The following SRGAP1 variants were observed in gnomAD, a reference collection of about 807,000 sequenced individuals.
SRGAP1 encodes the protein SLIT-ROBO Rho GTPase-activating protein 1.
Under a neutral mutation model 121.9 loss-of-function variants are expected in SRGAP1, and 43 were observed. The observed-to-expected ratio is 0.35, with a 90% confidence interval of 0.28 to 0.46. The LOEUF is 0.46. Among genes scored for constraint, SRGAP1 ranks in the 20% least tolerant of loss-of-function variants. The pLI is 1.00. For synonymous variants in SRGAP1, 447 were observed against 485.4 expected, an observed-to-expected ratio of 0.92 and a Z score of 1.04; for missense variants, 1,102 against 1,350.9, an observed-to-expected ratio of 0.82 and a Z score of 2.89.
chr12:64,136,711 A>G (rs564039852), intron 21 of SRGAP1, among the ~76,000 whole-genome samples: 222 of 152,334 alleles, frequency 1.5e-3, no homozygotes, highest in Non-Finnish European at 2.5e-3. Context: ...CTCAGCAAAA[A>G]TCAAAAAGGC....
chr12:64,029,971 C>G (rs924744272), intron 4 of SRGAP1, among the ~76,000 whole-genome samples: 1 of 151,886 alleles, frequency 6.6e-6, no homozygotes, highest in African/African-American at 2.4e-5. Context: ...TTCTTAAAAT[C>G]CCATTTCCTT....
intron 1 of SRGAP1, among the ~76,000 whole-genome samples, chr12:63,884,595 T>C (rs1451262094): frequency 1.3e-5 from 2 of 152,270 alleles, no homozygotes; most frequent in East Asian, 3.9e-4. Flanking sequence ...ATTTTACTGT[T>C]AACTGTAATC....
At chr12:64,098,548 G>T (rs1207450452) in intron 15 of SRGAP1, among the ~76,000 whole-genome samples, 5 of 152,076 alleles carry the variant, frequency 3.3e-5, no homozygotes, top group South Asian at 2.1e-4. Flanking sequence ...CATGCACCTG[G>T]ATTCCCAGCT....
At chr12:63,941,468 G>A (rs2031864809) in intron 1 of SRGAP1, among the ~76,000 whole-genome samples, 1 of 152,108 alleles carries the variant, frequency 6.6e-6, no homozygotes, top group African/African-American at 2.4e-5. Flanking sequence ...CGTTTGATCT[G>A]CAGTTAATAC....
chr12:63,911,719 C>T (rs1166431329), intron 1 of SRGAP1, among the ~76,000 whole-genome samples: 1 of 152,180 alleles, frequency 6.6e-6, no homozygotes, highest in African/African-American at 2.4e-5. Flanking sequence ...TTAAGCATCA[C>T]CCCGATTACA....
chr12:63,937,980 T>C (rs1404107017), intron 1 of SRGAP1, among the ~76,000 whole-genome samples: 1 of 152,238 alleles, frequency 6.6e-6, no homozygotes, highest in Non-Finnish European at 1.5e-5. Flanking sequence ...CAGCCCTGGA[T>C]GACCAGGTCA....
chr12:63,985,389 G>A (rs2033387101), intron 2 of SRGAP1, among the ~76,000 whole-genome samples: 1 of 152,156 alleles, frequency 6.6e-6, no homozygotes, highest in South Asian at 2.1e-4. Flanking sequence ...GTGAATCAGA[G>A]GTCATGGGGA....
chr12:64,111,712 C>CT (rs768816184), intron 16 of SRGAP1, 50 bp from the exon 17 acceptor site: 5 of 1,469,898 alleles, frequency 3.4e-6, no homozygotes, highest in South Asian at 1.3e-5. Flanking sequence ...CATTTATATC[C>CT]TTTTTTTCTC....
chr12:63,850,216 T>C (rs1242825540), intron 1 of SRGAP1, among the ~76,000 whole-genome samples: 3 of 152,160 alleles, frequency 2.0e-5, no homozygotes, highest in Non-Finnish European at 4.4e-5. Context: ...GTTAGTTTCA[T>C]GAACTTCAGA....
chr12:64,054,527 C>A lies in SRGAP1; in HGVS notation c.802-8390C>A, dbSNP rs115255273. Among the ~76,000 whole-genome samples the A allele has an allele frequency of 3.7e-3, 567 of 152,190 alleles. 5 individuals are homozygous for A. Among genetic ancestry groups the A allele is most frequent in the African/African-American group, 0.012 (516 of 41,530 alleles). The stretch of plus-strand genomic sequence containing the variant: ...AAGATTTGTCCATGGAAACCTGTCC[C>A]ATTGTAGTACTGTATTCCCCATTAG... On this transcript the variant is annotated intron_variant, in intron 6 of 21. Transcript: ENST00000355086.
Position 64,065,187 on chromosome 12 carries a change from C to A in SRGAP1, c.1093C>A (p.Arg365Ser). The A allele has an allele frequency of 6.2e-7, 1 of 1,613,472 alleles. No homozygotes were observed. The highest frequency in any genetic ancestry group is 8.5e-7 in the Non-Finnish European group (1 of 1,179,842). ...LMLRYQQLQS[R>S]LATLKIENEE... The stretch of plus-strand genomic sequence containing the variant: ...GCTCAGGTACCAACAGTTGCAGTCC[C>A]GCCTTGCCACGCTCAAAATCGAGAA... Residue 365 changes from arginine (R) to serine (S), a missense_variant, in exon 8 of 22, where the codon CGC (arginine) becomes AGC (serine). Arg to Ser is a moderately radical substitution (Grantham distance 110, BLOSUM62 -1). This residue lies in a region of SRGAP1 where 747 missense variants were observed against 929.4 expected (regional missense o/e 0.80). Coordinates refer to ENST00000355086, the MANE Select transcript of SRGAP1 (RefSeq NM_020762.4).
At chr12:64,133,256 C>A (rs2036812403) in intron 21 of SRGAP1, among the ~76,000 whole-genome samples, 1 of 152,190 alleles carries the variant, frequency 6.6e-6, no homozygotes, top group Non-Finnish European at 1.5e-5. Context: ...TTCCATTTGG[C>A]CTTTCCCACC....
chr12:64,019,022 A>G (rs541605239), intron 4 of SRGAP1, among the ~76,000 whole-genome samples: 1 of 152,268 alleles, frequency 6.6e-6, no homozygotes, highest in African/African-American at 2.4e-5. Flanking sequence ...AGAAATAGAA[A>G]TCAGTCCCTA....
At chr12:63,947,712 A>G (rs1027974288) in intron 1 of SRGAP1, among the ~76,000 whole-genome samples, 12 of 152,180 alleles carry the variant, frequency 7.9e-5, no homozygotes. Flanking sequence ...ATCAGGTAGT[A>G]TATAAATCCT....
At chr12:64,075,805 T>A (rs7305411) in intron 8 of SRGAP1, among the ~76,000 whole-genome samples, 289 of 152,298 alleles carry the variant, frequency 1.9e-3, no homozygotes, top group African/African-American at 6.6e-3. Context: ...GGAATGATTA[T>A]TGTCTATTAA....
chr12:63,894,483 T>G (rs1292558162), intron 1 of SRGAP1, among the ~76,000 whole-genome samples: 1 of 152,024 alleles, frequency 6.6e-6, no homozygotes, highest in South Asian at 2.1e-4. Context: ...TTTTTTTTTT[T>G]TAATTATACT....
At chr12:64,041,313 G>A (rs2035015232) in intron 4 of SRGAP1, among the ~76,000 whole-genome samples, 2 of 151,722 alleles carry the variant, frequency 1.3e-5, no homozygotes, top group Admixed American at 6.6e-5. Flanking sequence ...TACAAACGTA[G>A]GATGATCTCA....
intron 1 of SRGAP1, among the ~76,000 whole-genome samples, chr12:63,963,068 T>A (rs1055121465): frequency 6.6e-6 from 1 of 152,216 alleles, no homozygotes; most frequent in African/African-American, 2.4e-5. Context: ...GCTTATATAC[T>A]ATTTTTGTTT....
At chr12:63,922,369 A>G (rs573793580) in intron 1 of SRGAP1, among the ~76,000 whole-genome samples, 2 of 152,334 alleles carry the variant, frequency 1.3e-5, no homozygotes, top group East Asian at 1.9e-4. Context: ...TGATGTCCAT[A>G]TGTAAAACAG....
Sources: allele counts gnomAD v4.1 joint callset (sites outside exome capture counted in the v4.1 genomes callset), GRCh38; gene constraint gnomAD v4.1.1; regional missense constraint gnomAD v4.1.1; transcripts MANE v1.5; gene names NCBI Gene and HGNC (gene_info 2026-07-23, HGNC 2026-07-21).